Variants in DDAH1 observed in about 807,000 individuals in gnomAD.
DDAH1 encodes the protein dimethylarginine dimethylaminohydrolase 1.
In DDAH1, 19 loss-of-function variants were observed where a neutral mutation model predicts 28.8. The ratio of observed to expected loss-of-function variants is 0.66; its 90% CI spans 0.46 to 0.97. The LOEUF is 0.97. DDAH1 is among the 50% of genes least tolerant of loss of function. DDAH1 has a pLI of 0.00. For synonymous variants in DDAH1, 153 were observed against 154.4 expected (o/e 0.99, Z 0.07); for missense variants, 326 against 375.9 (o/e 0.87, Z 1.10).
intron 1 of DDAH1, among the ~76,000 whole-genome samples, chr1:85,520,891 C>T (rs1296774076): frequency 1.3e-5 from 2 of 152,138 alleles, no homozygotes; most frequent in African/African-American, 4.8e-5. Flanking sequence ...CAACTTCTTC[C>T]TTATACATTC....
chr1:85,459,744 C>A (rs1164265834), intron 1 of DDAH1, among the ~76,000 whole-genome samples: 1 of 152,140 alleles, frequency 6.6e-6, no homozygotes, highest in African/African-American at 2.4e-5. Flanking sequence ...AAATAAGATA[C>A]AATTACGCAC....
intron 2 of DDAH1, among the ~76,000 whole-genome samples, chr1:85,356,446 C>T (rs542202029): frequency 1.3e-5 from 2 of 152,264 alleles, no homozygotes; most frequent in African/African-American, 4.8e-5. Context: ...TCTAACTCTT[C>T]CTAATCCAAA....
intron 1 of DDAH1, among the ~76,000 whole-genome samples, chr1:85,444,636 T>C (rs1480028210): frequency 1.3e-5 from 2 of 152,206 alleles, no homozygotes; most frequent in East Asian, 3.9e-4. Flanking sequence ...TAAACTGTAC[T>C]GAATATAGTC....
chr1:85,331,682 T>C (rs1418621140), intron 4 of DDAH1, among the ~76,000 whole-genome samples: 1 of 152,198 alleles, frequency 6.6e-6, no homozygotes, highest in African/African-American at 2.4e-5. Flanking sequence ...CTAAAACTGA[T>C]AGCATATTTT....
In DDAH1 at chr1:85,464,601, C is replaced by G; in HGVS notation, c.303+142G>C. ...TCTCTGACTCTCTGACACACACACA[C>G]ACACACACACTCGCCCCCCGACGGG... On this transcript the variant is annotated intron_variant, in intron 1 of 5. Transcript: ENST00000284031. The surrounding 1 kb of genome is among the most constrained non-coding windows in gnomAD (Gnocchi z 4.4). 1 of 1,526,800 alleles carries G rather than the reference C, an allele frequency of 6.5e-7. No homozygotes were observed. Among genetic ancestry groups the G allele is most frequent in the Non-Finnish European group, 8.8e-7 (1 of 1,141,362 alleles). The allele number at this position is 1,526,800 out of a possible 1,614,324, so 94.6% of individuals were successfully genotyped here. A position where few individuals can be genotyped will look rare whatever the true frequency, so the allele number is the denominator to read the frequency against.
chr1:85,564,861 CAA>C (rs201212308), intron 1 of DDAH1, among the ~76,000 whole-genome samples: 22 of 127,712 alleles, frequency 1.7e-4, no homozygotes, highest in Admixed American at 1.6e-4. Flanking sequence ...AAGACTATGT[CAA>C]AAAAAAAAAA....
At chr1:85,536,628 G>A (rs540133656) in intron 1 of DDAH1, among the ~76,000 whole-genome samples, 2 of 152,182 alleles carry the variant, frequency 1.3e-5, no homozygotes, top group South Asian at 2.1e-4. Flanking sequence ...ACTCATTCCA[G>A]TTAAAATGGC....
At chr1:85,391,814 A>G (rs1004194271) in intron 1 of DDAH1, among the ~76,000 whole-genome samples, 1 of 152,214 alleles carries the variant, frequency 6.6e-6, no homozygotes, top group African/African-American at 2.4e-5. Flanking sequence ...GGTGCAAACA[A>G]GCAGGACATT....
chr1:85,321,491 G>A lies in DDAH1; in HGVS notation c.819C>T (p.Thr273=), dbSNP rs750967758. 11 of 1,614,024 alleles carry A rather than the reference G, an allele frequency of 6.8e-6. 1 individual carries two copies. Among genetic ancestry groups the A allele is most frequent in the Non-Finnish European group, 9.3e-6 (11 of 1,179,978 alleles). Residue 273 remains threonine (T), a synonymous_variant, in exon 6 of 6, where the codon ACC becomes ACT. Transcript: ENST00000284031. The part of the protein sequence containing the change: ...SELEKVDGLL[T]CCSVLINKKV... ...TCTTGTTAATTAAAACTGAGCAGCAGGTGAGCAGCCCATCCACCTTTTCCA... is the reference window on the plus strand; with the variant it reads ...TCTTGTTAATTAAAACTGAGCAGCAAGTGAGCAGCCCATCCACCTTTTCCA...
At chr1:85,408,292 C>T (rs1247821034) in intron 1 of DDAH1, among the ~76,000 whole-genome samples, 1 of 87,372 alleles carries the variant, frequency 1.1e-5, no homozygotes. Flanking sequence ...TCTCCTTCTT[C>T]CTTTTTTTTT....
chr1:85,481,098 G>GTTTTTT (rs71075839), intron 2 of DDAH1, among the ~76,000 whole-genome samples: 3 of 113,472 alleles, frequency 2.6e-5, no homozygotes, highest in Non-Finnish European at 3.6e-5. Context: ...TGGGTTTTTT[G>GTTTTTT]TTTTTTTTTT....
At chr1:85,374,136 AAGCTG>A (rs1650532339) in intron 1 of DDAH1, among the ~76,000 whole-genome samples, 1 of 152,130 alleles carries the variant, frequency 6.6e-6, no homozygotes, top group Non-Finnish European at 1.5e-5. Context: ...GGACCACTGG[AAGCTG>A]TATTACCAGA....
chr1:85,363,560 C>T (rs894406451), intron 1 of DDAH1, among the ~76,000 whole-genome samples: 4 of 152,138 alleles, frequency 2.6e-5, no homozygotes, highest in African/African-American at 7.2e-5. Context: ...TTTCATCTCC[C>T]AACTTTTTGC....
chr1:85,336,143 A>G (rs929175928), intron 4 of DDAH1, among the ~76,000 whole-genome samples: 3 of 152,220 alleles, frequency 2.0e-5, no homozygotes, highest in African/African-American at 7.2e-5. Context: ...ACTGCACTTT[A>G]GACCAAATGT....
chr1:85,385,802 T>TC (rs1156376563), intron 1 of DDAH1, among the ~76,000 whole-genome samples: 2 of 152,176 alleles, frequency 1.3e-5, no homozygotes, highest in Non-Finnish European at 2.9e-5. Flanking sequence ...GGCTCAAGGT[T>TC]CCACAGGTTG....
At chr1:85,433,365 C>G (rs183108736) in intron 1 of DDAH1, among the ~76,000 whole-genome samples, 29 of 152,238 alleles carry the variant, frequency 1.9e-4, no homozygotes, top group African/African-American at 5.8e-4. Flanking sequence ...ATGAAATCTA[C>G]CTCTCTTCAG....
Position 85,349,188 on chromosome 1 carries a change from A to T in DDAH1, c.597+1227T>A, listed in dbSNP as rs564662272. 3.3e-5 allele frequency among the ~76,000 whole-genome samples: 5 copies of T among 152,362 alleles called. No homozygotes were observed. In the East Asian group the frequency reaches 9.6e-4, roughly 29 times the overall value. On this transcript the variant is annotated intron_variant, in intron 4 of 5. Transcript: ENST00000284031. ...CAAAAGACATTCTCTAAAGTAAACG[A>T]ACAAAAGCCACCATGATACAAATCA...
At chr1:85,509,025 T>A (rs894229865) in intron 1 of DDAH1, among the ~76,000 whole-genome samples, 1 of 152,240 alleles carries the variant, frequency 6.6e-6, no homozygotes, top group South Asian at 2.1e-4. Flanking sequence ...CTCAAGTGGG[T>A]CCCTGACCCC....
At chr1:85,527,562 T>C (rs1400826170) in intron 1 of DDAH1, among the ~76,000 whole-genome samples, 17 of 152,202 alleles carry the variant, frequency 1.1e-4, no homozygotes, top group African/African-American at 4.1e-4. Flanking sequence ...ATTGTCTCTT[T>C]GCAACTATTA....
Sources: allele counts gnomAD v4.1 joint callset (sites outside exome capture counted in the v4.1 genomes callset), GRCh38; gene constraint gnomAD v4.1.1; non-coding constraint Gnocchi (gnomAD v3.1); transcripts MANE v1.5; gene names NCBI Gene and HGNC (gene_info 2026-07-23, HGNC 2026-07-21).